CCDC18: variants seen among roughly 807,000 people sequenced by gnomAD.
CCDC18 encodes coiled-coil domain containing 18, also known as coiled-coil domain-containing protein 18.
Under a neutral mutation model 196.0 loss-of-function variants are expected in CCDC18, and 157 were observed. The observed-to-expected ratio is 0.80, with a 90% CI of 0.70 to 0.91. CCDC18 has a LOEUF of 0.91. CCDC18 is among the 40% of genes least tolerant of loss of function. The pLI is 0.00. For missense variants in CCDC18, 1,465 were observed against 1,611.6 expected, an observed-to-expected ratio of 0.91 and a Z score of 1.56; for synonymous variants, 482 against 529.2, an observed-to-expected ratio of 0.91 and a Z score of 1.22.
chr1:93,195,469 G>C (rs891367302), intron 6 of CCDC18, among the ~76,000 whole-genome samples: 10 of 152,136 alleles, frequency 6.6e-5, no homozygotes, highest in African/African-American at 2.4e-4. Context: ...GCTTTTTGAA[G>C]AACTAAAATG....
chr1:93,243,278 C>T (rs578099459), intron 21 of CCDC18, among the ~76,000 whole-genome samples: 21 of 152,246 alleles, frequency 1.4e-4, no homozygotes, highest in Non-Finnish European at 2.5e-4. Flanking sequence ...ACAGATTCAA[C>T]ATTGGGTAGA....
intron 14 of CCDC18, 58 bp downstream of exon 14, chr1:93,217,927 C>G (rs1377948744): frequency 1.4e-6 from 2 of 1,382,848 alleles, no homozygotes; most frequent in East Asian, 4.6e-5. Flanking sequence ...ATTACTAGCC[C>G]CAGCATTTTT....
intron 6 of CCDC18, among the ~76,000 whole-genome samples, chr1:93,199,157 G>A (rs917941388): frequency 6.6e-5 from 10 of 152,332 alleles, no homozygotes; most frequent in Admixed American, 1.3e-4. Context: ...TTTTACTCTG[G>A]CCCAGTGGGC....
At chr1:93,203,331 T>C (rs1258710607) in intron 7 of CCDC18, among the ~76,000 whole-genome samples, 4 of 152,194 alleles carry the variant, frequency 2.6e-5, no homozygotes, top group African/African-American at 4.8e-5. Context: ...GAGTTCTATT[T>C]TGGAAATGTC....
intron 17 of CCDC18, among the ~76,000 whole-genome samples, chr1:93,226,780 C>T (rs1369891532): frequency 6.6e-6 from 1 of 152,090 alleles, no homozygotes; most frequent in Non-Finnish European, 1.5e-5. Flanking sequence ...GTGATCCACC[C>T]ACCTCGGCCT....
chr1:93,243,584 A>G (rs1661110985), intron 21 of CCDC18, among the ~76,000 whole-genome samples: 1 of 152,120 alleles, frequency 6.6e-6, no homozygotes. Flanking sequence ...GCCAGCTTGA[A>G]TTTCTCCTCA....
Position 93,255,539 on chromosome 1 carries a change from T to C in CCDC18, c.3343-796T>C, listed in dbSNP as rs1301195633. ...TGAGCCCAGAAATTCAAGACCAGCC[T>C]GGGCATCGTAGCAGTGGGACCCCTG... is the stretch of plus-strand genomic sequence containing the variant. On this transcript the variant is annotated intron_variant, in intron 24 of 28. Transcript: ENST00000690025. 2.0e-5 allele frequency among the ~76,000 whole-genome samples: 3 copies of C among 152,102 alleles called. No individual in the cohort carries two copies. In the East Asian group the frequency reaches 5.8e-4, roughly 29 times the overall value.
At chr1:93,239,525 A>G in intron 20 of CCDC18, 52 bp downstream of exon 20, 1 of 1,545,170 alleles carries the variant, frequency 6.5e-7, no homozygotes. Context: ...TACTTAACGA[A>G]GTGAAATAAT....
chr1:93,270,387 A>G lies in CCDC18; in HGVS notation c.3926A>G (p.His1309Arg). The G allele has an allele frequency of 6.5e-7, 1 of 1,549,660 alleles. No individual in the cohort carries two copies. Among genetic ancestry groups the G allele is most frequent in the Non-Finnish European group, 8.7e-7 (1 of 1,146,322 alleles). Residue 1309 changes from histidine (H) to arginine (R), a missense_variant, in exon 28 of 29, where the codon CAT becomes CGT. Coordinates refer to ENST00000690025, the MANE Select transcript of CCDC18 (RefSeq NM_001378204.1). Reference protein sequence around the residue: ...LTRLQAKISGHEKAEDIKFLP... With the variant: ...LTRLQAKISGREKAEDIKFLP... ...AGATTACAGGCCAAAATTTCTGGAC[A>G]TGAAAAGGCAGAAGACATCAAGTTT...
intron 6 of CCDC18, among the ~76,000 whole-genome samples, chr1:93,199,518 C>A (rs1041209507): frequency 6.6e-6 from 1 of 152,220 alleles, no homozygotes; most frequent in African/African-American, 2.4e-5. Context: ...GGTCTGGGCT[C>A]CCCTGAAGGG....
At chr1:93,223,940 CAT>C (rs1271046132) in intron 16 of CCDC18, among the ~76,000 whole-genome samples, 1 of 137,718 alleles carries the variant, frequency 7.3e-6, no homozygotes, top group Non-Finnish European at 1.6e-5. Context: ...CACACACACA[CAT>C]TTGCAAGTGG....
Position 93,254,511 on chromosome 1 carries a change from A to C in CCDC18, c.3239A>C (p.Gln1080Pro). 6.2e-7 allele frequency: 1 copy of C among 1,601,458 alleles called. No homozygotes were observed. Among genetic ancestry groups the C allele is most frequent in the South Asian group, 1.1e-5 (1 of 89,718 alleles). The change falls in exon 24 of 29, where the codon CAG (glutamine) becomes CCG (proline). Residue 1080 changes from glutamine (Q) to proline (P), a missense_variant. Gln to Pro is a moderately conservative substitution (Grantham distance 76). Coordinates refer to ENST00000690025, the MANE Select transcript of CCDC18 (RefSeq NM_001378204.1). ...GACAAATTACAAAATGCTAAAGAACAGCTTCGAGAAAAAGAGTTTATAATG... is the reference window on the plus strand; with the variant it reads ...GACAAATTACAAAATGCTAAAGAACCGCTTCGAGAAAAAGAGTTTATAATG... ...LNDKLQNAKE[Q>P]LREKEFIMLQ...
At chr1:93,231,757 CCTTT>C (rs1659272490) in intron 17 of CCDC18, among the ~76,000 whole-genome samples, 1 of 152,068 alleles carries the variant, frequency 6.6e-6, no homozygotes, top group Non-Finnish European at 1.5e-5. Flanking sequence ...TATTGTCATT[CCTTT>C]ATGTGTTTTT....
intron 12 of CCDC18, 135 bp downstream of exon 12, chr1:93,215,101 A>C (rs150212892): frequency 1.0e-3 from 519 of 515,672 alleles, no homozygotes; most frequent in African/African-American, 8.9e-3. Flanking sequence ...ATAAGTTATA[A>C]ATTGTTTTAA....
intron 24 of CCDC18, 140 bp from the exon 25 acceptor site, chr1:93,256,195 A>G (rs1409851137): frequency 4.5e-6 from 3 of 671,582 alleles, no homozygotes; most frequent in Non-Finnish European, 7.6e-6. Context: ...TACTCATTGT[A>G]TGTTAAATTT....
In CCDC18 at chr1:93,205,014, A is replaced by G. The variant is rs78854456; in HGVS notation, c.796-496A>G. On this transcript the variant is annotated intron_variant, in intron 7 of 28. Coordinates refer to ENST00000690025, the MANE Select transcript of CCDC18 (RefSeq NM_001378204.1). ...TGTTTTTTTACACTTAGGATTATCA[A>G]TTGCAAACAATGCTCAGCAAAGCCC... is the stretch of plus-strand genomic sequence containing the variant. Among the ~76,000 whole-genome samples the G allele has an allele frequency of 5.4e-3, 816 of 152,196 alleles. 9 individuals carry two copies. Among genetic ancestry groups the G allele is most frequent in the African/African-American group, 0.018 (766 of 41,514 alleles).
intron 6 of CCDC18, 140 bp from the exon 7 acceptor site, chr1:93,201,752 T>C: frequency 2.1e-6 from 1 of 475,666 alleles, no homozygotes; most frequent in South Asian, 5.8e-5. Context: ...ATTTTATACT[T>C]TAAGCCTAAT....
chr1:93,258,089 A>C (rs1663261903), intron 25 of CCDC18, among the ~76,000 whole-genome samples: 1 of 149,872 alleles, frequency 6.7e-6, no homozygotes, highest in Non-Finnish European at 1.5e-5. Context: ...AATTAATTAA[A>C]ATTAAATTAA....
rs1662983929 is a variant in CCDC18 at position 93,256,536 on chromosome 1, A to C, written c.3544A>C (p.Lys1182Gln). The change falls in exon 25 of 29, where the codon AAA becomes CAA. Residue 1182 changes from lysine (K) to glutamine (Q), a missense_variant and splice_region_variant. Coordinates refer to ENST00000690025, the MANE Select transcript of CCDC18 (RefSeq NM_001378204.1). ...LEDMKQLSKE[K>Q]DAHGNHLAEE... The stretch of plus-strand genomic sequence containing the variant: ...GGATATGAAGCAACTCTCTAAAGAG[A>C]AAGTAATCCCTATTTTAAATAATCT... The C allele has an allele frequency of 6.2e-7, 1 of 1,606,004 alleles. No individual in the cohort carries two copies. Among genetic ancestry groups the C allele is most frequent in the Non-Finnish European group, 8.5e-7 (1 of 1,173,318 alleles).
Sources: gnomAD v4.1 joint callset for allele counts (sites outside exome capture counted in the v4.1 genomes callset) on GRCh38, gnomAD v4.1.1 for gene constraint, MANE v1.5 for transcripts, NCBI Gene and HGNC (gene_info 2026-07-23, HGNC 2026-07-21) for gene names.